RAB8B: variants seen among roughly 807,000 people sequenced by gnomAD.
RAB8B encodes the protein RAB8B, member RAS oncogene family.
Under a neutral mutation model 32.0 loss-of-function variants are expected in RAB8B, and 11 were observed. The observed-to-expected ratio is 0.34, with a 90% CI of 0.22 to 0.57. The LOEUF is 0.57. RAB8B is among the 20% of genes least tolerant of loss of function. The pLI is 0.86. For synonymous variants in RAB8B, 103 were observed against 89.6 expected (o/e 1.15, Z -0.85); for missense variants, 190 against 258.5 (o/e 0.73, Z 1.82).
chr15:63,199,901 A>G (rs2141108660), intron 1 of RAB8B, among the ~76,000 whole-genome samples: 1 of 152,254 alleles, frequency 6.6e-6, no homozygotes, highest in African/African-American at 2.4e-5. Flanking sequence ...TTTGATAAGC[A>G]CTATTACATT....
At chr15:63,192,843 C>T (rs1043187600) in intron 1 of RAB8B, among the ~76,000 whole-genome samples, 8 of 152,176 alleles carry the variant, frequency 5.3e-5, no homozygotes, top group African/African-American at 1.9e-4. Flanking sequence ...CTTGTAACCC[C>T]AGCACTTTGG....
At chr15:63,207,394 C>T (rs1438860099) in intron 1 of RAB8B, among the ~76,000 whole-genome samples, 1 of 152,162 alleles carries the variant, frequency 6.6e-6, no homozygotes, top group Non-Finnish European at 1.5e-5. Context: ...CCCGGCCTCT[C>T]TCAGACTCCT....
At chr15:63,216,285 G>A (rs1313658844) in intron 1 of RAB8B, among the ~76,000 whole-genome samples, 1 of 146,176 alleles carries the variant, frequency 6.8e-6, no homozygotes, top group South Asian at 2.1e-4. Context: ...CTGGAGTGCA[G>A]CGGCACAATC....
intron 1 of RAB8B, among the ~76,000 whole-genome samples, chr15:63,216,635 G>A (rs892175538): frequency 1.3e-5 from 2 of 151,782 alleles, no homozygotes; most frequent in African/African-American, 4.8e-5. Context: ...GGCCAAGGCG[G>A]GCAGATCACA....
In RAB8B at chr15:63,263,674, G is replaced by A. The variant is rs1212046472; in HGVS notation, c.*55G>A. On this transcript the variant is annotated 3_prime_UTR_variant, in exon 8 of 8. Coordinates refer to ENST00000321437, the MANE Select transcript of RAB8B (RefSeq NM_016530.3). ...CTAGAGGGCCCTTTCCTGCTTCTCTGAAAGCACAGGTCACCCAGCCTCAGA... is the reference window on the plus strand; with the variant it reads ...CTAGAGGGCCCTTTCCTGCTTCTCTAAAAGCACAGGTCACCCAGCCTCAGA... 1 of 1,384,232 alleles carries A rather than the reference G, an allele frequency of 7.2e-7. No homozygotes were observed. The highest frequency in any genetic ancestry group is 1.0e-6 in the Non-Finnish European group (1 of 975,300). The allele number at this position is 1,384,232 out of a possible 1,614,324, so 85.7% of individuals were successfully genotyped here. A position where few individuals can be genotyped will look rare whatever the true frequency, so the allele number is the denominator to read the frequency against.
intron 1 of RAB8B, among the ~76,000 whole-genome samples, chr15:63,201,749 G>A (rs1317033822): frequency 6.6e-6 from 1 of 152,114 alleles, no homozygotes; most frequent in Non-Finnish European, 1.5e-5. Flanking sequence ...ATATCTCCTT[G>A]TTGTAGACAA....
intron 5 of RAB8B, 96 bp downstream of exon 5, chr15:63,256,690 T>C (rs2038161508): frequency 3.3e-6 from 3 of 903,986 alleles, no homozygotes; most frequent in Non-Finnish European, 5.0e-6. Context: ...TTAAAATCTG[T>C]GTTTTAATCC....
intron 1 of RAB8B, among the ~76,000 whole-genome samples, chr15:63,234,486 G>C (rs77488058): frequency 2.8e-4 from 42 of 152,296 alleles, no homozygotes; most frequent in African/African-American, 9.9e-4. Flanking sequence ...CTCATTCCAA[G>C]TTCCTTTTCC....
chr15:63,191,129 G>A (rs1171146912), intron 1 of RAB8B, among the ~76,000 whole-genome samples: 1 of 152,186 alleles, frequency 6.6e-6, no homozygotes, highest in African/African-American at 2.4e-5. Context: ...GCTTTTGGTT[G>A]TGTTGGTGAT....
In RAB8B at chr15:63,256,614, A is replaced by G. The variant is rs753011369; in HGVS notation, c.414+20A>G. 2.5e-5 allele frequency: 38 copies of G among 1,527,404 alleles called. No homozygotes were observed. The highest frequency in any genetic ancestry group is 2.2e-5 in the Non-Finnish European group (24 of 1,114,840). The allele number at this position is 1,527,404 out of a possible 1,614,324, so 94.6% of individuals were successfully genotyped here. ...GAGAAGGTAAATGTGAATGGAATGG[A>G]TAAAGGTTGGAATCTACTCACATTA... On this transcript the variant is annotated intron_variant, in intron 5 of 7. Coordinates refer to ENST00000321437, the MANE Select transcript of RAB8B (RefSeq NM_016530.3).
At chr15:63,246,634 T>C (rs527529246) in intron 2 of RAB8B, among the ~76,000 whole-genome samples, 1 of 152,278 alleles carries the variant, frequency 6.6e-6, no homozygotes, top group Admixed American at 6.5e-5. Context: ...TGTCTCACTC[T>C]CCTGAAGCTC....
At chr15:63,199,354 G>T (rs1437605560) in intron 1 of RAB8B, among the ~76,000 whole-genome samples, 1 of 152,256 alleles carries the variant, frequency 6.6e-6, no homozygotes, top group East Asian at 1.9e-4. Flanking sequence ...CTCTTACATT[G>T]TTTAGAACTA....
At chr15:63,263,421 GAATACACATTTCACAT>G in intron 7 of RAB8B, 90 bp from the exon 8 acceptor site, 1 of 744,418 alleles carries the variant, frequency 1.3e-6, no homozygotes, top group Non-Finnish European at 2.2e-6. Context: ...CATTTCACTA[GAATACACATTTCACAT>G]GGTATGGTTA....
At chr15:63,256,374 C>T in intron 4 of RAB8B, 131 bp from the exon 5 acceptor site, 1 of 611,438 alleles carries the variant, frequency 1.6e-6, no homozygotes, top group Non-Finnish European at 2.7e-6. Flanking sequence ...AAACTTTTCT[C>T]TGAATTAGGC....
intron 1 of RAB8B, among the ~76,000 whole-genome samples, chr15:63,217,455 C>T (rs2037802959): frequency 6.6e-6 from 1 of 152,132 alleles, no homozygotes; most frequent in Non-Finnish European, 1.5e-5. Flanking sequence ...GTGAGAAAGC[C>T]TTAACCAAGA....
At position 63,189,729 on chromosome 15, in the gene RAB8B, C is replaced by A; in HGVS notation, c.105C>A (p.Thr35=). 1 of 1,612,964 alleles carries A rather than the reference C, an allele frequency of 6.2e-7. No individual in the cohort carries two copies. ...LFRFSEDAFN[T]TFISTIGIDF... ...GCTTCTCAGAGGACGCCTTCAACACCACCTTCATCTCCACCATCGGTGAGG... is the reference window on the plus strand; with the variant it reads ...GCTTCTCAGAGGACGCCTTCAACACAACCTTCATCTCCACCATCGGTGAGG... The change falls in exon 1 of 8, where the codon ACC becomes ACA. Residue 35 remains threonine (T), a synonymous_variant. Transcript: ENST00000321437.
chr15:63,220,967 A>G (rs745900730), intron 1 of RAB8B, among the ~76,000 whole-genome samples: 1 of 152,224 alleles, frequency 6.6e-6, no homozygotes, highest in Non-Finnish European at 1.5e-5. Context: ...AACAAAAATA[A>G]TTAATTGCCA....
At position 63,249,752 on chromosome 15, in the gene RAB8B, A is replaced by G. The variant is rs201393108; in HGVS notation, c.246+47A>G. 1.2e-5 allele frequency: 19 copies of G among 1,558,782 alleles called. No individual in the cohort carries two copies. The East Asian group carries it at 4.3e-4, about 35-fold the overall frequency. On this transcript the variant is annotated intron_variant, in intron 3 of 7. Coordinates refer to ENST00000321437, the MANE Select transcript of RAB8B (RefSeq NM_016530.3). The stretch of plus-strand genomic sequence containing the variant: ...GTAACTCTTCAGGTAGAAGTAAAGC[A>G]TGAATGTTTGTTTGCCAAGATTATA...
intron 1 of RAB8B, among the ~76,000 whole-genome samples, chr15:63,241,052 G>A (rs78924192): frequency 0.02 from 3,063 of 152,208 alleles, 120 homozygotes; most frequent in East Asian, 0.18. Context: ...TATTTAAAAC[G>A]TGAATGAAGG....
Sources: allele counts gnomAD v4.1 joint callset (sites outside exome capture counted in the v4.1 genomes callset), GRCh38; gene constraint gnomAD v4.1.1; transcripts MANE v1.5; gene names NCBI Gene and HGNC (gene_info 2026-07-23, HGNC 2026-07-21).